Variants in NUP93 observed in about 807,000 individuals in gnomAD.
The protein encoded by NUP93 is nuclear pore complex protein Nup93.
A neutral mutation model predicts 107.8 loss-of-function variants in NUP93; 55 were observed. The observed-to-expected ratio is 0.51, with a 90% confidence interval of 0.41 to 0.64. The LOEUF is 0.64. Ranked by LOEUF, NUP93 falls within the 30% of genes least tolerant of loss-of-function variation. The pLI, the probability that NUP93 is intolerant of heterozygous loss-of-function variation, is 0.00. For missense variants in NUP93, 937 were observed against 1,044.7 expected (o/e 0.90, Z 1.42); for synonymous variants, 390 against 397.5 (o/e 0.98, Z 0.22).
chr16:56,808,503 TATATAGTTATGTAACTATATATAA>T (rs1383918385), intron 5 of NUP93, among the ~76,000 whole-genome samples: 3 of 114,940 alleles, frequency 2.6e-5, no homozygotes, highest in African/African-American at 6.8e-5. Flanking sequence ...ACTATATAAA[TATATAGTTATGTAACTATATATAA>T]ATATAGTTAT....
chr16:56,827,763 A>C (rs568803453), intron 8 of NUP93, among the ~76,000 whole-genome samples: 54 of 152,322 alleles, frequency 3.5e-4, no homozygotes, highest in Middle Eastern at 3.4e-3. Context: ...AGCACCAGCT[A>C]CTCAGGAGAT....
intron 3 of NUP93, chr16:56,783,999 C>T (rs1962572136): frequency 1.7e-6 from 1 of 594,562 alleles, no homozygotes; most frequent in Non-Finnish European, 2.1e-6. Context: ...CTGCGTTACA[C>T]TGGATTTTTT....
intron 1 of NUP93, among the ~76,000 whole-genome samples, chr16:56,733,389 G>A (rs1361294594): frequency 3.3e-5 from 5 of 152,130 alleles, no homozygotes; most frequent in Admixed American, 6.5e-5. Flanking sequence ...GAGAAGGGGC[G>A]AGAGATGAGG....
chr16:56,778,405 G>A (rs1203997506), intron 3 of NUP93, among the ~76,000 whole-genome samples: 14 of 152,102 alleles, frequency 9.2e-5, no homozygotes, highest in Non-Finnish European at 2.9e-5. Flanking sequence ...TGAAAGTTTC[G>A]AAGCAGGTAA....
At chr16:56,773,087 T>C (rs1962352089) in intron 3 of NUP93, among the ~76,000 whole-genome samples, 2 of 152,206 alleles carry the variant, frequency 1.3e-5, no homozygotes, top group Admixed American at 1.3e-4. Flanking sequence ...CAGTTTGAAT[T>C]GGTTTTTCCT....
intron 1 of NUP93, among the ~76,000 whole-genome samples, chr16:56,738,857 G>A (rs1961654583): frequency 1.3e-5 from 2 of 151,536 alleles, no homozygotes; most frequent in South Asian, 2.1e-4. Context: ...CAAGAATGTT[G>A]AACACCATTC....
intron 1 of NUP93, among the ~76,000 whole-genome samples, chr16:56,743,184 T>C (rs1257052058): frequency 6.6e-6 from 1 of 152,260 alleles, no homozygotes; most frequent in Admixed American, 6.5e-5. Flanking sequence ...ACTCACATGT[T>C]AATAGTAAAT....
At chr16:56,748,453 A>C (rs1961859625) in intron 2 of NUP93, 27 bp downstream of exon 2, 7 of 1,561,898 alleles carry the variant, frequency 4.5e-6, no homozygotes, top group Non-Finnish European at 6.1e-6. Flanking sequence ...AGACAGCATT[A>C]GTACTGGGTG....
At chr16:56,743,647 A>G (rs1034155530) in intron 1 of NUP93, among the ~76,000 whole-genome samples, 2 of 152,188 alleles carry the variant, frequency 1.3e-5, no homozygotes, top group Non-Finnish European at 2.9e-5. Context: ...TCATGGGTCT[A>G]GATTGACTAA....
intron 1 of NUP93, among the ~76,000 whole-genome samples, chr16:56,740,513 C>G (rs1381658494): frequency 1.3e-5 from 2 of 148,910 alleles, no homozygotes; most frequent in Admixed American, 1.3e-4. Context: ...GGGATGGCGG[C>G]CGGGCGGAGA....
Position 56,847,249 on chromosome 16 carries a change from T to C in NUP93, c.*2640T>C, listed in dbSNP as rs1390120678. 1 of 152,210 alleles carries C rather than the reference T, an allele frequency of 6.6e-6. No individual in the cohort carries two copies. The highest frequency in any genetic ancestry group is 2.4e-5 in the African/African-American group (1 of 41,464). 9.4% of individuals were successfully genotyped at this position (152,210 alleles called of 1,614,324 possible). A position where few individuals can be genotyped will look rare whatever the true frequency, so the allele number is the denominator to read the frequency against. ...GTGCAGAGATGAGAAACAGGCTGAA[T>C]TTGCAAGGCCACAACATCAGGTTGT... On this transcript the variant is annotated 3_prime_UTR_variant, in exon 22 of 22. Transcript: ENST00000308159.
chr16:56,774,086 G>C (rs530014377), intron 3 of NUP93, among the ~76,000 whole-genome samples: 1 of 152,296 alleles, frequency 6.6e-6, no homozygotes, highest in East Asian at 1.9e-4. Flanking sequence ...AAAGTAGTCA[G>C]AGCCCAGAGG....
rs774489542 is a variant in NUP93 at position 56,831,632 on chromosome 16, C to A, written c.1086-210C>A. On this transcript the variant is annotated intron_variant, in intron 10 of 21. Transcript: ENST00000308159. ...ATGAAGGCCTCAGCAAATAGAAAAC[C>A]GGCAGGCCAATAGATACAGGTGCAG... 5 of 499,080 alleles carry A rather than the reference C, an allele frequency of 1.0e-5. No homozygotes were observed. In the East Asian group the frequency reaches 1.4e-4, roughly 14 times the overall value. The allele number at this position is 499,080 out of a possible 1,614,324, so 30.9% of individuals were successfully genotyped here.
intron 12 of NUP93, 87 bp downstream of exon 12, chr16:56,832,475 C>T: frequency 9.8e-7 from 1 of 1,015,768 alleles, no homozygotes; most frequent in Non-Finnish European, 1.5e-6. Context: ...TTTTTCATCT[C>T]TGAACTTTTG....
chr16:56,779,058 C>G (rs1424568992), intron 3 of NUP93, among the ~76,000 whole-genome samples: 1 of 152,182 alleles, frequency 6.6e-6, no homozygotes, highest in African/African-American at 2.4e-5. Flanking sequence ...GGAGTCATCA[C>G]TCAGCCTCAC....
At chr16:56,813,816 T>C (rs1334446703) in intron 5 of NUP93, among the ~76,000 whole-genome samples, 2 of 152,242 alleles carry the variant, frequency 1.3e-5, no homozygotes, top group African/African-American at 4.8e-5. Flanking sequence ...TACACATAGG[T>C]GTCTGTCGTT....
intron 3 of NUP93, among the ~76,000 whole-genome samples, chr16:56,767,237 G>A (rs1962232027): frequency 6.6e-6 from 1 of 152,236 alleles, no homozygotes; most frequent in Admixed American, 6.5e-5. Context: ...AGGCTGAGAT[G>A]CCATCAGCAA....
At chr16:56,764,544 T>C (rs1444239876) in intron 3 of NUP93, among the ~76,000 whole-genome samples, 2 of 152,182 alleles carry the variant, frequency 1.3e-5, no homozygotes, top group Non-Finnish European at 2.9e-5. Context: ...CCTTATCACC[T>C]GAATTATTTT....
chr16:56,756,295 G>GGCCC (rs1962018564), intron 2 of NUP93, among the ~76,000 whole-genome samples: 2 of 30,444 alleles, frequency 6.6e-5, no homozygotes, highest in African/African-American at 3.3e-4. Flanking sequence ...CTCTCTCCTT[G>GGCCC]CCCCCCCCCC....
Sources: allele counts gnomAD v4.1 joint callset (sites outside exome capture counted in the v4.1 genomes callset), GRCh38; gene constraint gnomAD v4.1.1; transcripts MANE v1.5; gene names NCBI Gene and HGNC (gene_info 2026-07-23, HGNC 2026-07-21).